PITPNC1: variants seen among roughly 807,000 people sequenced by gnomAD.
PITPNC1 encodes phosphatidylinositol transfer protein cytoplasmic 1.
Under a neutral mutation model 44.7 loss-of-function variants are expected in PITPNC1, and 18 were observed. That is an observed-to-expected ratio of 0.40 (90% CI 0.28 to 0.60). PITPNC1 has a LOEUF of 0.60. Ranked by LOEUF, PITPNC1 falls within the 20% of genes least tolerant of loss-of-function variation. The probability of loss-of-function intolerance (pLI) is 0.39; values close to 1 mark genes in which losing one functional copy is unlikely to be tolerated. For missense variants in PITPNC1, 290 were observed against 418.4 expected, an observed-to-expected ratio of 0.69 and a Z score of 2.68; for synonymous variants, 141 against 149.6, an observed-to-expected ratio of 0.94 and a Z score of 0.42.
At chr17:67,671,687 G>A (rs2042515109) in intron 7 of PITPNC1, among the ~76,000 whole-genome samples, 1 of 152,136 alleles carries the variant, frequency 6.6e-6, no homozygotes, top group Non-Finnish European at 1.5e-5. Context: ...AACCCAGCCA[G>A]CCAGCCAGGA....
At chr17:67,430,634 G>A (rs1460940803) in intron 1 of PITPNC1, among the ~76,000 whole-genome samples, 3 of 151,768 alleles carry the variant, frequency 2.0e-5, no homozygotes, top group Admixed American at 6.6e-5. Flanking sequence ...CCTAGGCAAG[G>A]TAGTGAGACC....
intron 5 of PITPNC1, among the ~76,000 whole-genome samples, chr17:67,605,330 C>T (rs2041594716): frequency 6.6e-6 from 1 of 152,196 alleles, no homozygotes; most frequent in Non-Finnish European, 1.5e-5. Context: ...AAGGAGACAG[C>T]TCTGCAAGTC....
chr17:67,606,810 G>A (rs1171649249), intron 5 of PITPNC1, among the ~76,000 whole-genome samples: 1 of 151,952 alleles, frequency 6.6e-6, no homozygotes, highest in African/African-American at 2.4e-5. Flanking sequence ...TAAAAAGGGA[G>A]AGAGAAAGAA....
intron 4 of PITPNC1, among the ~76,000 whole-genome samples, chr17:67,555,571 A>G (rs2040825240): frequency 6.6e-6 from 1 of 151,944 alleles, no homozygotes; most frequent in Non-Finnish European, 1.5e-5. Context: ...TCACACCTGT[A>G]ATCCCAGCAC....
chr17:67,419,774 C>T (rs2143862820), intron 1 of PITPNC1, among the ~76,000 whole-genome samples: 1 of 152,228 alleles, frequency 6.6e-6, no homozygotes, highest in African/African-American at 2.4e-5. Flanking sequence ...GGTATGGTGG[C>T]AAGCACCTGT....
intron 5 of PITPNC1, among the ~76,000 whole-genome samples, chr17:67,592,714 A>G (rs1191422764): frequency 6.6e-6 from 1 of 152,222 alleles, no homozygotes; most frequent in African/African-American, 2.4e-5. Flanking sequence ...AGTAAATGAC[A>G]TTAAGTGAGT....
intron 1 of PITPNC1, among the ~76,000 whole-genome samples, chr17:67,433,312 C>T (rs960432454): frequency 1.4e-4 from 21 of 152,338 alleles, no homozygotes; most frequent in South Asian, 8.3e-4. Context: ...TAGCCGCGGG[C>T]TGCGGGAGCG....
intron 1 of PITPNC1, among the ~76,000 whole-genome samples, chr17:67,428,123 T>C (rs2143887287): frequency 6.6e-6 from 1 of 152,198 alleles, no homozygotes; most frequent in African/African-American, 2.4e-5. Context: ...GCTTCTTGAG[T>C]GGCTGGCACT....
intron 1 of PITPNC1, among the ~76,000 whole-genome samples, chr17:67,520,952 C>T (rs897230464): frequency 6.6e-6 from 1 of 152,146 alleles, no homozygotes; most frequent in Non-Finnish European, 1.5e-5. Context: ...AGTGAATTCT[C>T]GGGGCTAGAA....
At position 67,621,100 on chromosome 17, in the gene PITPNC1, T is replaced by C. The variant is rs191589980; in HGVS notation, c.367-11043T>C. ...CACCCCTGCTGGCCAAATAATCATC[T>C]TGGACCCCGACCATTATGGACCTAT... On this transcript the variant is annotated intron_variant, in intron 5 of 8. Coordinates refer to ENST00000581322, the MANE Select transcript of PITPNC1 (RefSeq NM_012417.4). Among the ~76,000 whole-genome samples, 414 of 152,330 alleles carry C rather than the reference T, an allele frequency of 2.7e-3. 1 individual carries two copies. Among genetic ancestry groups the C allele is most frequent in the African/African-American group, 9.5e-3 (394 of 41,568 alleles).
At chr17:67,581,416 C>T (rs1877101486) in intron 5 of PITPNC1, among the ~76,000 whole-genome samples, 1 of 152,230 alleles carries the variant, frequency 6.6e-6, no homozygotes, top group African/African-American at 2.4e-5. Flanking sequence ...GCCTCCCTCT[C>T]CCCAGAATGT....
At chr17:67,385,169 G>A (rs892310559) in intron 1 of PITPNC1, among the ~76,000 whole-genome samples, 1 of 152,190 alleles carries the variant, frequency 6.6e-6, no homozygotes, top group East Asian at 1.9e-4. Context: ...CAAGAGGATT[G>A]TAAAATGCAC....
chr17:67,614,086 C>CA (rs967867187), intron 5 of PITPNC1, among the ~76,000 whole-genome samples: 28 of 149,442 alleles, frequency 1.9e-4, no homozygotes, highest in South Asian at 2.1e-4. Flanking sequence ...GACTCTGTCT[C>CA]AAAAAAAAAG....
At chr17:67,578,966 A>G (rs1287584317) in intron 5 of PITPNC1, among the ~76,000 whole-genome samples, 1 of 152,254 alleles carries the variant, frequency 6.6e-6, no homozygotes, top group African/African-American at 2.4e-5. Flanking sequence ...TGGGCCACAG[A>G]GCGAGACTCC....
chr17:67,384,330 T>G, intron 1 of PITPNC1, among the ~76,000 whole-genome samples: 1 of 152,172 alleles, frequency 6.6e-6, no homozygotes, highest in East Asian at 1.9e-4. Context: ...AGAGTTTTCT[T>G]GCGCACATTT....
At chr17:67,402,324 T>C (rs2038327787) in intron 1 of PITPNC1, among the ~76,000 whole-genome samples, 1 of 152,226 alleles carries the variant, frequency 6.6e-6, no homozygotes. Flanking sequence ...AAAAACAGGC[T>C]ATGGGCTGCA....
At chr17:67,500,683 G>C (rs972934277) in intron 1 of PITPNC1, among the ~76,000 whole-genome samples, 1 of 148,540 alleles carries the variant, frequency 6.7e-6, no homozygotes, top group African/African-American at 2.5e-5. Context: ...TTTTAATTGA[G>C]AGAAGGTCTC....
At chr17:67,411,462 C>G (rs2038495560) in intron 1 of PITPNC1, among the ~76,000 whole-genome samples, 1 of 152,066 alleles carries the variant, frequency 6.6e-6, no homozygotes, top group Admixed American at 6.6e-5. Context: ...AGCAGCCTGC[C>G]TGGTAGAGAA....
chr17:67,565,659 C>T (rs57615197), intron 4 of PITPNC1, among the ~76,000 whole-genome samples: 2,918 of 3,006 alleles, frequency 0.97, 1,417 homozygotes, highest in Middle Eastern at 1. Context: ...ACTAGTTTTC[C>T]GTGTTTTTCA....
Sources: gnomAD v4.1 joint callset for allele counts (sites outside exome capture counted in the v4.1 genomes callset) on GRCh38, gnomAD v4.1.1 for gene constraint, MANE v1.5 for transcripts, NCBI Gene and HGNC (gene_info 2026-07-23, HGNC 2026-07-21) for gene names.